Variants in DMD observed in about 807,000 individuals in gnomAD.
The protein encoded by DMD is dystrophin, also known as mutant dystrophin.
Under a neutral mutation model 330.1 loss-of-function variants are expected in DMD, and 63 were observed. The ratio of observed to expected loss-of-function variants is 0.19; its 90% CI spans 0.16 to 0.24. The LOEUF is 0.24. Ranked by LOEUF, DMD falls within the 10% of genes least tolerant of loss-of-function variation. The pLI is 1.00. For synonymous variants in DMD, 1,223 were observed against 959.8 expected (o/e 1.27, Z -5.07); for missense variants, 3,344 against 2,684.1 (o/e 1.25, Z -5.43).
intron 7 of DMD, among the ~76,000 whole-genome samples, chrX:32,703,287 A>C (rs957607157): frequency 3.6e-5 from 4 of 111,630 alleles, no homozygotes; most frequent in Non-Finnish European, 1.9e-5. Flanking sequence ...GATGTTATGA[A>C]GCCCAAATCC....
chrX:31,420,607 ACTT>A (rs1326383863), intron 60 of DMD, among the ~76,000 whole-genome samples: 5 of 112,220 alleles, frequency 4.5e-5, no homozygotes, highest in Admixed American at 2.8e-4. Context: ...CCCAGATCAA[ACTT>A]CTTCTTATAA....
intron 21 of DMD, among the ~76,000 whole-genome samples, chrX:32,474,204 TACATACACAC>T (rs1341760024): frequency 3.5e-4 from 13 of 37,614 alleles, no homozygotes; most frequent in Non-Finnish European, 9.1e-5. Flanking sequence ...TATACATACA[TACATACACAC>T]ACACACACAC....
At chrX:31,447,805 G>T (rs755481823) in intron 59 of DMD, among the ~76,000 whole-genome samples, 1 of 108,963 alleles carries the variant, frequency 9.2e-6, no homozygotes, top group African/African-American at 3.3e-5. Context: ...TCAGCAGTTC[G>T]AGACCAGACT....
intron 7 of DMD, among the ~76,000 whole-genome samples, chrX:32,749,274 C>A (rs2070483535): frequency 8.9e-6 from 1 of 112,012 alleles, no homozygotes; most frequent in South Asian, 3.8e-4. Context: ...ATTTGACAAA[C>A]CATGAAATAA....
At chrX:33,302,928 T>C (rs2053688690) in intron 1 of DMD, among the ~76,000 whole-genome samples, 1 of 111,937 alleles carries the variant, frequency 8.9e-6, no homozygotes, top group African/African-American at 3.3e-5. Flanking sequence ...ACTCTACGTA[T>C]TCATACATTT....
At chrX:33,101,546 G>C (rs900940790) in intron 1 of DMD, among the ~76,000 whole-genome samples, 4 of 111,689 alleles carry the variant, frequency 3.6e-5, no homozygotes, top group Non-Finnish European at 7.5e-5. Context: ...CAGGAGAATC[G>C]CTTGAACCAG....
chrX:32,703,724 T>C (rs1048967421), intron 7 of DMD, among the ~76,000 whole-genome samples: 5 of 111,507 alleles, frequency 4.5e-5, no homozygotes, highest in Non-Finnish European at 1.9e-5. Context: ...CAGAGGACAG[T>C]TAAAGTCATA....
At chrX:31,778,594 CAG>C (rs1239018370) in intron 50 of DMD, among the ~76,000 whole-genome samples, 3 of 53,109 alleles carry the variant, frequency 5.6e-5, no homozygotes, top group Non-Finnish European at 9.4e-5. Flanking sequence ...TTTTTTGAGA[CAG>C]AGTGTTGCTC....
chrX:31,324,463 T>C (rs1431596371), intron 61 of DMD, among the ~76,000 whole-genome samples: 1 of 106,630 alleles, frequency 9.4e-6, no homozygotes, highest in Non-Finnish European at 1.9e-5. Context: ...ATATATTTTA[T>C]ATACTGTTTG....
At chrX:32,484,775 G>A (rs1370573196) in intron 21 of DMD, 144 bp downstream of exon 21, 2 of 600,572 alleles carry the variant, frequency 3.3e-6, no homozygotes, top group East Asian at 3.6e-5. Context: ...TGTTACACCA[G>A]TATTTCGTTC....
chrX:31,721,321 A>G (rs1037815038), intron 52 of DMD, among the ~76,000 whole-genome samples: 2 of 110,122 alleles, frequency 1.8e-5, no homozygotes, highest in Non-Finnish European at 3.8e-5. Context: ...GGTATTTTTT[A>G]GATGTGATTA....
At chrX:32,809,919 C>CCA (rs2077222247) in intron 6 of DMD, among the ~76,000 whole-genome samples, 1 of 28,660 alleles carries the variant, frequency 3.5e-5, no homozygotes, top group African/African-American at 1.3e-4. Flanking sequence ...TTGTTTCTAC[C>CCA]AAAAAAAAAA....
At chrX:33,193,163 C>T (rs1415022469) in intron 1 of DMD, among the ~76,000 whole-genome samples, 4 of 110,900 alleles carry the variant, frequency 3.6e-5, no homozygotes, top group Admixed American at 1.9e-4. Context: ...AAAAATTAGG[C>T]GGGCATGGTG....
chrX:31,572,959 A>T (rs2075902079), intron 55 of DMD, among the ~76,000 whole-genome samples: 1 of 111,597 alleles, frequency 9.0e-6, no homozygotes, highest in African/African-American at 3.3e-5. Context: ...ATATCATTTT[A>T]ATTCCCCTAT....
intron 49 of DMD, among the ~76,000 whole-genome samples, chrX:31,834,976 G>T (rs934911800): frequency 3.6e-5 from 4 of 112,211 alleles, no homozygotes; most frequent in African/African-American, 1.3e-4. Flanking sequence ...TTTCAGAAAA[G>T]TAATTCTCCT....
At chrX:33,033,477 G>A (rs767782064) in intron 1 of DMD, among the ~76,000 whole-genome samples, 2 of 106,937 alleles carry the variant, frequency 1.9e-5, no homozygotes, top group South Asian at 4.3e-4. Flanking sequence ...TTGGGAGGCC[G>A]AGGTGGGCGG....
intron 7 of DMD, among the ~76,000 whole-genome samples, chrX:32,776,415 A>G (rs2074153931): frequency 9.0e-6 from 1 of 110,503 alleles, no homozygotes; most frequent in Non-Finnish European, 1.9e-5. Flanking sequence ...ACACTGTTAT[A>G]AAGAGTACCT....
At chrX:31,251,586 T>C (rs1412348567) in intron 63 of DMD, among the ~76,000 whole-genome samples, 2 of 112,081 alleles carry the variant, frequency 1.8e-5, no homozygotes, top group East Asian at 5.6e-4. Context: ...ACTTTCAGAA[T>C]ATTTTTAGGT....
intron 11 of DMD, among the ~76,000 whole-genome samples, chrX:32,633,074 A>C (rs955843611): frequency 1.8e-5 from 2 of 112,350 alleles, no homozygotes; most frequent in African/African-American, 6.5e-5. Context: ...ACATGTATAA[A>C]TATGTAAAAA....
Sources: gnomAD v4.1 joint callset for allele counts (sites outside exome capture counted in the v4.1 genomes callset) on GRCh38, gnomAD v4.1.1 for gene constraint, MANE v1.5 for transcripts, NCBI Gene and HGNC (gene_info 2026-07-23, HGNC 2026-07-21) for gene names.